CENPE: variants seen among roughly 807,000 people sequenced by gnomAD.
CENPE encodes the protein centromere-associated protein E.
A neutral mutation model predicts 336.1 loss-of-function variants in CENPE; 145 were observed. The ratio of observed to expected loss-of-function variants is 0.43; its 90% CI spans 0.38 to 0.50. The LOEUF is 0.50. Ranked by LOEUF, CENPE falls within the 20% of genes least tolerant of loss-of-function variation. The pLI, the probability that CENPE is intolerant of heterozygous loss-of-function variation, is 0.00. For missense variants in CENPE, 2,719 were observed against 3,023.3 expected (o/e 0.90, Z 2.36); for synonymous variants, 1,013 against 984.8 (o/e 1.03, Z -0.54).
chr4:103,142,344 A>C (rs1468582303), intron 34 of CENPE, among the ~76,000 whole-genome samples: 3 of 152,246 alleles, frequency 2.0e-5, no homozygotes, highest in Admixed American at 6.5e-5. Context: ...TTTCAAGAAC[A>C]GTACCAAATT....
chr4:103,177,081 A>T (rs1010104424), intron 13 of CENPE, 35 bp from the exon 14 acceptor site: 3 of 1,529,018 alleles, frequency 2.0e-6, no homozygotes, highest in Non-Finnish European at 2.7e-6. Flanking sequence ...TGTCATATAG[A>T]TCTGTATTCA....
intron 9 of CENPE, among the ~76,000 whole-genome samples, chr4:103,183,901 T>C (rs1259585360): frequency 6.6e-6 from 1 of 152,192 alleles, no homozygotes; most frequent in African/African-American, 2.4e-5. Flanking sequence ...TGCACTTTGC[T>C]TTTTCTCACT....
At chr4:103,188,769 A>G (rs940303837) in intron 8 of CENPE, among the ~76,000 whole-genome samples, 1 of 152,236 alleles carries the variant, frequency 6.6e-6, no homozygotes, top group Admixed American at 6.5e-5. Context: ...AAAAGCTAGC[A>G]GACGGCAAGC....
intron 29 of CENPE, among the ~76,000 whole-genome samples, chr4:103,146,827 G>A (rs1753094485): frequency 6.6e-6 from 1 of 152,144 alleles, no homozygotes; most frequent in Admixed American, 6.5e-5. Context: ...ACTGCAGATA[G>A]CCAGGGAAAG....
intron 43 of CENPE, among the ~76,000 whole-genome samples, chr4:103,121,602 G>A (rs1425685162): frequency 6.9e-6 from 1 of 145,518 alleles, no homozygotes; most frequent in Non-Finnish European, 1.5e-5. Flanking sequence ...AGGCTGGTGT[G>A]CAGTGGCATG....
chr4:103,175,170 T>G (rs904749026), intron 15 of CENPE, among the ~76,000 whole-genome samples: 2 of 152,004 alleles, frequency 1.3e-5, no homozygotes, highest in Non-Finnish European at 2.9e-5. Flanking sequence ...AAACTGATAA[T>G]TGAATTCCCC....
intron 25 of CENPE, 48 bp downstream of exon 25, chr4:103,152,999 C>T (rs374416536): frequency 1.5e-6 from 2 of 1,347,416 alleles, no homozygotes; most frequent in Non-Finnish European, 2.1e-6. Context: ...AAATCTGAAA[C>T]AAATGAAGAC....
At chr4:103,196,362 G>A in intron 2 of CENPE, 110 bp from the exon 3 acceptor site, 1 of 837,138 alleles carries the variant, frequency 1.2e-6, no homozygotes, top group South Asian at 1.5e-5. Context: ...CAGAATGTAG[G>A]ATGATCAACT....
At position 103,145,938 on chromosome 4, in the gene CENPE, T is replaced by A; in HGVS notation, c.4304A>T (p.Asp1435Val). The A allele has an allele frequency of 6.2e-7, 1 of 1,614,000 alleles. No homozygotes were observed. Among genetic ancestry groups the A allele is most frequent in the South Asian group, 1.1e-5 (1 of 91,070 alleles). The part of the protein sequence containing the change: ...GLSKRLQESH[D>V]EMKSVAKEKD... ...CTCCTTAGCTACAGATTTCATTTCA[T>A]CATGACTTTCTTGAAGTCTTTTGGA... The change falls in exon 30 of 49, where the codon GAT (aspartate) becomes GTT (valine). Residue 1435 changes from aspartate (D) to valine (V), a missense_variant. Transcript: ENST00000265148.
intron 16 of CENPE, among the ~76,000 whole-genome samples, chr4:103,174,395 G>A (rs915903170): frequency 1.3e-5 from 2 of 151,976 alleles, no homozygotes; most frequent in Non-Finnish European, 2.9e-5. Context: ...CATAATGACA[G>A]TTAGATAGCA....
chr4:103,151,400 G>T (rs750011113), intron 25 of CENPE, 23 bp from the exon 26 acceptor site: 3 of 1,516,922 alleles, frequency 2.0e-6, no homozygotes, highest in Non-Finnish European at 2.6e-6. Flanking sequence ...AAAAAGTTGA[G>T]ATTAAAGTAA....
rs551430787 is a variant in CENPE at position 103,148,099 on chromosome 4, T to C, written c.3844-453A>G. 1.3e-4 allele frequency among the ~76,000 whole-genome samples: 20 copies of C among 152,352 alleles called. No homozygotes were observed. The South Asian group carries it at 3.5e-3, about 27-fold the overall frequency. Reference sequence around the variant, plus strand: ...ACCTTGGATCACAAACTGCTCATTATTCATTTTCCCTCAATTCCTGCTAAA... The same window carrying C: ...ACCTTGGATCACAAACTGCTCATTACTCATTTTCCCTCAATTCCTGCTAAA... On this transcript the variant is annotated intron_variant, in intron 28 of 48. Transcript: ENST00000265148.
chr4:103,141,684 T>C (rs1448625626), intron 35 of CENPE, 66 bp downstream of exon 35: 3 of 1,172,108 alleles, frequency 2.6e-6, no homozygotes, highest in Middle Eastern at 2.9e-4. Context: ...AACCATTTTA[T>C]ATCCCCAACA....
At chr4:103,108,636 G>A (rs567708794) in intron 48 of CENPE, among the ~76,000 whole-genome samples, 167 bp downstream of exon 48, 3 of 152,228 alleles carry the variant, frequency 2.0e-5, no homozygotes, top group South Asian at 4.1e-4. Flanking sequence ...ACTGTGTGGG[G>A]TGCCTTGGAG....
intron 41 of CENPE, 35 bp downstream of exon 41, chr4:103,133,660 A>G (rs999115036): frequency 1.4e-6 from 2 of 1,406,172 alleles, no homozygotes; most frequent in East Asian, 4.6e-5. Flanking sequence ...AAAAAGGCTT[A>G]AAATCTAACT....
At chr4:103,136,524 T>A (rs181182212) in intron 39 of CENPE, among the ~76,000 whole-genome samples, 165 bp from the exon 40 acceptor site, 12 of 152,346 alleles carry the variant, frequency 7.9e-5, no homozygotes, top group Middle Eastern at 3.4e-3. Context: ...GTTGTCATTT[T>A]GGATAACAGA....
Position 103,149,056 on chromosome 4 carries a change from T to C in CENPE, c.3688-57A>G, listed in dbSNP as rs1753314848. On this transcript the variant is annotated intron_variant, in intron 27 of 48. Transcript: ENST00000265148. The stretch of plus-strand genomic sequence containing the variant: ...TATTCTTCCAACATTGCTCCCCTCT[T>C]TCCAAGTGGCTCAGATTTTAAAAGA... The C allele has an allele frequency of 3.8e-6, 6 of 1,589,092 alleles. No homozygotes were observed. The Admixed American group carries it at 1.1e-4, about 29-fold the overall frequency.
At chr4:103,136,829 C>T (rs950268480) in intron 39 of CENPE, among the ~76,000 whole-genome samples, 5 of 152,144 alleles carry the variant, frequency 3.3e-5, no homozygotes, top group Non-Finnish European at 7.4e-5. Context: ...ATACTTCACA[C>T]AATCCTACTA....
chr4:103,119,708 G>A (rs1750440206), intron 44 of CENPE, among the ~76,000 whole-genome samples: 1 of 152,102 alleles, frequency 6.6e-6, no homozygotes, highest in African/African-American at 2.4e-5. Flanking sequence ...TTTGTCTAAT[G>A]ACATTCAAGT....
Sources: allele counts gnomAD v4.1 joint callset (sites outside exome capture counted in the v4.1 genomes callset), GRCh38; gene constraint gnomAD v4.1.1; transcripts MANE v1.5; gene names NCBI Gene and HGNC (gene_info 2026-07-23, HGNC 2026-07-21).